Variants in TFDP2 observed in about 807,000 individuals in gnomAD.
TFDP2 encodes the protein transcription factor Dp-2.
A neutral mutation model predicts 59.3 loss-of-function variants in TFDP2; 17 were observed. The ratio of observed to expected loss-of-function variants is 0.29; its 90% confidence interval spans 0.20 to 0.43. TFDP2 has a LOEUF of 0.43. TFDP2 is among the 20% of genes least tolerant of loss of function. The pLI is 1.00. For missense variants in TFDP2, 391 were observed against 528.8 expected, an observed-to-expected ratio of 0.74 and a Z score of 2.56; for synonymous variants, 180 against 194.7, an observed-to-expected ratio of 0.92 and a Z score of 0.63.
intron 1 of TFDP2, among the ~76,000 whole-genome samples, chr3:142,115,545 C>T (rs568542958): frequency 3.3e-5 from 5 of 152,282 alleles, no homozygotes; most frequent in East Asian, 1.9e-4. Flanking sequence ...GTCTCGATCT[C>T]CTGACCTCGT....
intron 1 of TFDP2, among the ~76,000 whole-genome samples, chr3:142,104,538 G>A (rs2061415155): frequency 6.6e-6 from 1 of 152,042 alleles, no homozygotes; most frequent in African/African-American, 2.4e-5. Flanking sequence ...TATGGTCTCT[G>A]ACTACAATGC....
At chr3:142,050,564 C>A (rs1470648539) in intron 3 of TFDP2, among the ~76,000 whole-genome samples, 4 of 151,966 alleles carry the variant, frequency 2.6e-5, no homozygotes, top group African/African-American at 9.7e-5. Context: ...GGTGTGGTGG[C>A]ACGTGCCTGT....
chr3:141,959,672 A>G lies in TFDP2; in HGVS notation c.1051+2T>C. Reference sequence around the variant, plus strand: ...AACACATGAAAGCATCAGTTAACATACCTGTGATATAACCTTCTAAAGCCT... The same window carrying G: ...AACACATGAAAGCATCAGTTAACATGCCTGTGATATAACCTTCTAAAGCCT... On this transcript the variant is annotated splice_donor_variant, in intron 11 of 12. Transcript: ENST00000489671. LOFTEE classifies it high-confidence loss of function. 6.2e-7 allele frequency: 1 copy of G among 1,613,888 alleles called. No homozygotes were observed. Among genetic ancestry groups the G allele is most frequent in the Non-Finnish European group, 8.5e-7 (1 of 1,179,818 alleles).
chr3:142,041,113 G>A (rs937291623), intron 3 of TFDP2, among the ~76,000 whole-genome samples: 1 of 152,118 alleles, frequency 6.6e-6, no homozygotes, highest in Non-Finnish European at 1.5e-5. Context: ...CAATCCTAAA[G>A]GAAGTTCTGG....
intron 6 of TFDP2, among the ~76,000 whole-genome samples, chr3:141,979,952 G>A (rs773580695): frequency 6.7e-6 from 1 of 150,080 alleles, no homozygotes; most frequent in African/African-American, 2.4e-5. Flanking sequence ...TCTGTTGCCC[G>A]GGCTAGAGTG....
intron 3 of TFDP2, among the ~76,000 whole-genome samples, chr3:142,064,265 T>C (rs1417800546): frequency 6.6e-5 from 10 of 152,174 alleles, no homozygotes; most frequent in African/African-American, 2.2e-4. Context: ...TATGGTCCAG[T>C]GCTAGTAAAC....
In TFDP2 at chr3:142,070,337, C is replaced by T. The variant is rs546590117; in HGVS notation, c.82+22724G>A. 4.6e-5 allele frequency among the ~76,000 whole-genome samples: 7 copies of T among 151,956 alleles called. No homozygotes were observed. The South Asian group carries it at 8.3e-4, about 18-fold the overall frequency. ...AGGCTGGAGTACAAGTACAATGGCA[C>T]GAACACAGCTGGCTCACTGCAGCCT... On this transcript the variant is annotated intron_variant, in intron 3 of 12. Transcript: ENST00000489671.
intron 3 of TFDP2, among the ~76,000 whole-genome samples, chr3:142,079,147 A>G (rs1270422671): frequency 1.3e-5 from 2 of 152,058 alleles, no homozygotes; most frequent in African/African-American, 4.8e-5. Context: ...TACTAAAAAT[A>G]CAAAAATTAG....
chr3:141,968,168 T>C (rs1246199608), intron 9 of TFDP2, among the ~76,000 whole-genome samples: 2 of 142,814 alleles, frequency 1.4e-5, no homozygotes, highest in Non-Finnish European at 3.0e-5. Flanking sequence ...GGCAGGAGCA[T>C]AGGAATAAAC....
At chr3:142,034,696 A>G (rs77911628) in intron 3 of TFDP2, among the ~76,000 whole-genome samples, 8,588 of 145,964 alleles carry the variant, frequency 0.059, 304 homozygotes, top group Middle Eastern at 0.11. Flanking sequence ...TCTTAATACT[A>G]TTACAACAAT....
In TFDP2 at chr3:141,959,734, G is replaced by GCTC. The variant is rs1200842572; in HGVS notation, c.990_991insGAG (p.Ser330_Leu331insGlu). On this transcript the variant is annotated inframe_insertion, in exon 11 of 13. Coordinates refer to ENST00000489671, the MANE Select transcript of TFDP2 (RefSeq NM_001178139.2). ...GATTTCGCAAGTTTCAGATCCTCCA[G>GCTC]AGAGCATTTGCCTGACTCCAGGCCA... 6.2e-7 allele frequency: 1 copy of GCTC among 1,614,164 alleles called. No individual in the cohort carries two copies. Among genetic ancestry groups the GCTC allele is most frequent in the South Asian group, 1.1e-5 (1 of 91,084 alleles).
intron 3 of TFDP2, among the ~76,000 whole-genome samples, chr3:142,091,384 G>A (rs573259954): frequency 1.2e-4 from 18 of 152,140 alleles, no homozygotes; most frequent in East Asian, 1.9e-4. Flanking sequence ...AGGTGAAACC[G>A]TGGAAACCCT....
chr3:141,954,369 G>A (rs546943544), intron 11 of TFDP2, among the ~76,000 whole-genome samples: 126 of 152,104 alleles, frequency 8.3e-4, no homozygotes, highest in Middle Eastern at 3.4e-3. Context: ...GGCGGGGCGC[G>A]GTGGCTCATG....
At chr3:142,077,898 T>C (rs1003360044) in intron 3 of TFDP2, among the ~76,000 whole-genome samples, 2 of 152,152 alleles carry the variant, frequency 1.3e-5, no homozygotes, top group Non-Finnish European at 2.9e-5. Flanking sequence ...ATTCCAAGCC[T>C]GGGCTCTTCA....
At chr3:141,974,895 T>TTTC (rs763156785) in intron 7 of TFDP2, among the ~76,000 whole-genome samples, 26 of 143,412 alleles carry the variant, frequency 1.8e-4, no homozygotes, top group South Asian at 4.4e-4. Flanking sequence ...GCTGACCATT[T>TTTC]TTCTTCTTCT....
chr3:142,059,820 G>C (rs1206370507), intron 3 of TFDP2, among the ~76,000 whole-genome samples: 1 of 151,982 alleles, frequency 6.6e-6, no homozygotes, highest in Non-Finnish European at 1.5e-5. Context: ...GATCTCAGGT[G>C]ATCTGACTGC....
rs1486516756 is a variant in TFDP2 at position 141,969,109 on chromosome 3, ATATATGAGATATATATATAACATATAT to A, written c.732+937_732+963del. Among the ~76,000 whole-genome samples the A allele has an allele frequency of 6.1e-4, 54 of 88,388 alleles. 8 individuals carry two copies. Among genetic ancestry groups the A allele is most frequent in the African/African-American group, 2.7e-3 (53 of 19,296 alleles). The allele number at this position is 88,388 out of a possible 152,430, so 58.0% of individuals were successfully genotyped here. On this transcript the variant is annotated intron_variant, in intron 9 of 12. Coordinates refer to ENST00000489671, the MANE Select transcript of TFDP2 (RefSeq NM_001178139.2). ...TATATAACATATATATATATCTCAT[ATATATGAGATATATATATAACATATAT>A]ATCCCATATATATGAGATATATATA...
Position 141,954,749 on chromosome 3 carries a change from A to G in TFDP2, c.1052-1733T>C, listed in dbSNP as rs182458218. ...AAAGTAATTCCTAAAAAGAAATTCT[A>G]TAAGCCCAAACACATACTCAGAAAA... On this transcript the variant is annotated intron_variant, in intron 11 of 12. Coordinates refer to ENST00000489671, the MANE Select transcript of TFDP2 (RefSeq NM_001178139.2). 3.8e-4 allele frequency among the ~76,000 whole-genome samples: 58 copies of G among 152,358 alleles called. 1 individual carries two copies. Among genetic ancestry groups the G allele is most frequent in the African/African-American group, 1.3e-3 (54 of 41,592 alleles).
At chr3:142,094,910 G>C (rs543847700) in intron 2 of TFDP2, among the ~76,000 whole-genome samples, 1 of 152,170 alleles carries the variant, frequency 6.6e-6, no homozygotes, top group East Asian at 1.9e-4. Flanking sequence ...CCAGCAATCT[G>C]AAAAGATTTT....
Sources: gnomAD v4.1 joint callset for allele counts (sites outside exome capture counted in the v4.1 genomes callset) on GRCh38, gnomAD v4.1.1 for gene constraint, MANE v1.5 for transcripts, NCBI Gene and HGNC (gene_info 2026-07-23, HGNC 2026-07-21) for gene names.